PDE4D: variants seen among roughly 807,000 people sequenced by gnomAD.
PDE4D encodes the protein phosphodiesterase 4D.
A neutral mutation model predicts 87.4 loss-of-function variants in PDE4D; 24 were observed. The observed-to-expected ratio is 0.27, with a 90% confidence interval of 0.20 to 0.39. PDE4D has a LOEUF of 0.39. Among genes scored for constraint, PDE4D ranks in the 10% least tolerant of loss-of-function variants. PDE4D has a pLI of 1.00. For missense variants in PDE4D, 714 were observed against 1,041.0 expected (o/e 0.69, Z 4.32); for synonymous variants, 384 against 383.2 (o/e 1.00, Z -0.02).
intron 1 of PDE4D, among the ~76,000 whole-genome samples, chr5:59,647,320 G>A (rs1039289878): frequency 6.6e-6 from 1 of 151,976 alleles, no homozygotes. Context: ...AGATAATAAG[G>A]ATAAGATTAT....
chr5:60,432,739 C>G (rs900955894), intron 1 of PDE4D, among the ~76,000 whole-genome samples: 3 of 152,036 alleles, frequency 2.0e-5, no homozygotes, highest in African/African-American at 7.2e-5. Context: ...GATACATAGA[C>G]CACTGGAACA....
At chr5:59,424,768 A>G (rs1045869489) in intron 1 of PDE4D, among the ~76,000 whole-genome samples, 2 of 152,160 alleles carry the variant, frequency 1.3e-5, no homozygotes, top group African/African-American at 4.8e-5. Context: ...GACACAGCCA[A>G]ACCATATCAT....
intron 1 of PDE4D, among the ~76,000 whole-genome samples, chr5:60,342,308 T>G (rs1360722504): frequency 6.6e-6 from 1 of 152,194 alleles, no homozygotes; most frequent in Non-Finnish European, 1.5e-5. Flanking sequence ...GCTTTATTGT[T>G]TAACATTTAC....
At chr5:60,512,918 T>A (rs769708115) in intron 1 of PDE4D, among the ~76,000 whole-genome samples, 1 of 152,080 alleles carries the variant, frequency 6.6e-6, no homozygotes, top group African/African-American at 2.4e-5. Context: ...GGGGTTAATA[T>A]TGATGCCAAA....
In PDE4D at chr5:59,186,194, G is replaced by T. The variant is rs146644268; in HGVS notation, c.685-932C>A. Among the ~76,000 whole-genome samples the T allele has an allele frequency of 1.4e-3, 219 of 152,262 alleles. 1 individual carries two copies. Among genetic ancestry groups the T allele is most frequent in the Middle Eastern group, 6.8e-3 (2 of 294 alleles). ...AACACAGATTCCAAATGTCTGAGTA[G>T]GTATTACCTAACAACCCAGACTGTC... On this transcript the variant is annotated intron_variant, in intron 3 of 14. Coordinates refer to ENST00000340635, the MANE Select transcript of PDE4D (RefSeq NM_001104631.2).
chr5:60,134,740 G>T (rs186091649), intron 2 of PDE4D, among the ~76,000 whole-genome samples: 62 of 152,216 alleles, frequency 4.1e-4, no homozygotes, highest in African/African-American at 1.4e-3. Flanking sequence ...TTGTTATAAT[G>T]TATTGCTTAG....
At chr5:60,421,476 A>G (rs576491581) in intron 1 of PDE4D, among the ~76,000 whole-genome samples, 33 of 152,336 alleles carry the variant, frequency 2.2e-4, no homozygotes, top group African/African-American at 6.5e-4. Flanking sequence ...AAAACTAACA[A>G]ACAGAAAGGA....
chr5:60,313,584 T>A (rs1755248808), intron 1 of PDE4D, among the ~76,000 whole-genome samples: 2 of 152,206 alleles, frequency 1.3e-5, no homozygotes. Context: ...ACTCATTTTA[T>A]GAGGCCAGCA....
chr5:60,285,494 C>T (rs1410041068), intron 1 of PDE4D, among the ~76,000 whole-genome samples: 1 of 151,046 alleles, frequency 6.6e-6, no homozygotes, highest in African/African-American at 2.4e-5. Flanking sequence ...CTCCCCATTA[C>T]AACTAGAAAG....
At chr5:59,253,913 A>G (rs1760465702) in intron 1 of PDE4D, among the ~76,000 whole-genome samples, 1 of 152,174 alleles carries the variant, frequency 6.6e-6, no homozygotes, top group South Asian at 2.1e-4. Context: ...GAATGAACAA[A>G]TCTATAAGGC....
intron 1 of PDE4D, among the ~76,000 whole-genome samples, chr5:59,850,754 A>G (rs1744553218): frequency 6.6e-6 from 1 of 152,024 alleles, no homozygotes; most frequent in Admixed American, 6.6e-5. Flanking sequence ...GCGTTTTGAA[A>G]GGGATGACAT....
chr5:60,137,053 A>G (rs1780117324), intron 2 of PDE4D, among the ~76,000 whole-genome samples: 1 of 152,148 alleles, frequency 6.6e-6, no homozygotes, highest in Non-Finnish European at 1.5e-5. Flanking sequence ...AAGTGAGAAC[A>G]TGTGGTATTT....
intron 1 of PDE4D, among the ~76,000 whole-genome samples, chr5:59,643,359 C>T (rs1040168128): frequency 6.6e-6 from 1 of 152,132 alleles, no homozygotes; most frequent in African/African-American, 2.4e-5. Flanking sequence ...CACAGGCCCC[C>T]TCTTGAGTCT....
intron 3 of PDE4D, among the ~76,000 whole-genome samples, chr5:59,931,902 C>T (rs552868976): frequency 1.4e-4 from 21 of 152,132 alleles, no homozygotes; most frequent in South Asian, 4.2e-4. Context: ...GGGGTTTCAC[C>T]GTGTTAGCCA....
At chr5:60,332,758 T>C (rs2149873580) in intron 1 of PDE4D, among the ~76,000 whole-genome samples, 1 of 152,228 alleles carries the variant, frequency 6.6e-6, no homozygotes, top group Non-Finnish European at 1.5e-5. Flanking sequence ...TATTTATCAC[T>C]CAGTGGTTAT....
intron 1 of PDE4D, among the ~76,000 whole-genome samples, chr5:59,684,737 C>T (rs1210324504): frequency 6.6e-6 from 1 of 152,186 alleles, no homozygotes; most frequent in Non-Finnish European, 1.5e-5. Flanking sequence ...GGCCATACCT[C>T]CCATGCCCTG....
chr5:59,381,428 T>A (rs1238565505), intron 1 of PDE4D, among the ~76,000 whole-genome samples: 2 of 152,086 alleles, frequency 1.3e-5, no homozygotes, highest in African/African-American at 4.8e-5. Flanking sequence ...AGTATCCTCA[T>A]TCCTCTTTAT....
chr5:59,689,146 A>G, intron 1 of PDE4D, among the ~76,000 whole-genome samples: 1 of 152,144 alleles, frequency 6.6e-6, no homozygotes, highest in Admixed American at 6.6e-5. Flanking sequence ...GAGATACAAA[A>G]AGGAGCTGGT....
intron 1 of PDE4D, among the ~76,000 whole-genome samples, chr5:59,801,059 A>C (rs1353277165): frequency 6.6e-6 from 1 of 152,126 alleles, no homozygotes; most frequent in African/African-American, 2.4e-5. Context: ...TGGGTTGAAT[A>C]ATTGTGGGAA....
Sources: gnomAD v4.1 joint callset for allele counts (sites outside exome capture counted in the v4.1 genomes callset) on GRCh38, gnomAD v4.1.1 for gene constraint, MANE v1.5 for transcripts, NCBI Gene and HGNC (gene_info 2026-07-23, HGNC 2026-07-21) for gene names.